CCDC12: variants seen among roughly 807,000 people sequenced by gnomAD.
The protein encoded by CCDC12 is coiled-coil domain-containing protein 12.
In CCDC12, 28 loss-of-function variants were observed where a neutral mutation model predicts 25.7. The observed-to-expected ratio is 1.09, with a 90% confidence interval of 0.81 to 1.50. CCDC12 has a LOEUF of 1.50. Ranked by LOEUF, CCDC12 falls within the 40% of genes most tolerant of loss-of-function variation. The probability of loss-of-function intolerance (pLI) is 0.00; values close to 1 mark genes in which losing one functional copy is unlikely to be tolerated. For synonymous variants in CCDC12, 75 were observed against 87.7 expected, an observed-to-expected ratio of 0.86 and a Z score of 0.81; for missense variants, 198 against 210.0, an observed-to-expected ratio of 0.94 and a Z score of 0.35.
intron 2 of CCDC12, among the ~76,000 whole-genome samples, chr3:46,935,108 G>A (rs1373015382): frequency 1.3e-5 from 2 of 152,240 alleles, no homozygotes; most frequent in African/African-American, 4.8e-5. Context: ...CACACATTGA[G>A]CTGGGGAACA....
chr3:46,926,946 C>T (rs1177613238), intron 2 of CCDC12, among the ~76,000 whole-genome samples: 1 of 151,992 alleles, frequency 6.6e-6, no homozygotes, highest in African/African-American at 2.4e-5. Context: ...CAAGCTTTCC[C>T]AGAGGCAGGG....
upstream of CCDC12, among the ~76,000 whole-genome samples, chr3:46,981,723 T>C (rs938659246): frequency 7.2e-5 from 11 of 152,104 alleles, no homozygotes; most frequent in African/African-American, 2.4e-4. Context: ...TTAAACCAGC[T>C]GGTGAGTGTG....
At chr3:46,977,040 C>A (rs1033697349), upstream of CCDC12, 2 of 440,796 alleles carry the variant, frequency 4.5e-6, no homozygotes, top group Non-Finnish European at 8.1e-6. Context: ...GGAATTCAGA[C>A]CTGAGAGAAG....
At chr3:46,938,526 T>G (rs940529691) in intron 2 of CCDC12, among the ~76,000 whole-genome samples, 17 of 144,680 alleles carry the variant, frequency 1.2e-4, no homozygotes, top group African/African-American at 4.1e-4. Context: ...CTGTTTTTTT[T>G]TTTTTTTTTT....
Position 46,921,878 on chromosome 3 carries a change from G to C in CCDC12, c.*179C>G. The stretch of plus-strand genomic sequence containing the variant: ...GCTGGTTCTGCCTCCATTCAGAATG[G>C]CAGGGGCCACCCAGCAGACAAGGAG... On this transcript the variant is annotated 3_prime_UTR_variant, in exon 7 of 7. Transcript: ENST00000683445. 1.6e-6 allele frequency: 1 copy of C among 641,830 alleles called. No individual in the cohort carries two copies. Among genetic ancestry groups the C allele is most frequent in the East Asian group, 2.7e-5 (1 of 36,508 alleles). 39.8% of individuals were successfully genotyped at this position (641,830 alleles called of 1,614,324 possible).
intron 1 of CCDC12, among the ~76,000 whole-genome samples, chr3:46,962,252 G>A (rs930812472): frequency 1.3e-5 from 2 of 151,892 alleles, no homozygotes; most frequent in East Asian, 1.9e-4. Flanking sequence ...TGGCCAACAT[G>A]GTAAAACCCT....
intron 2 of CCDC12, among the ~76,000 whole-genome samples, chr3:46,929,533 G>A (rs2033116519): frequency 1.3e-5 from 2 of 152,190 alleles, no homozygotes; most frequent in Non-Finnish European, 2.9e-5. Context: ...TACTGAAGCA[G>A]CCTGCACTCA....
In CCDC12 at chr3:46,970,876, G is replaced by C. The variant is rs75405434; in HGVS notation, c.96+5761C>G. Among the ~76,000 whole-genome samples, 804 of 152,250 alleles carry C rather than the reference G, an allele frequency of 5.3e-3. 6 individuals carry two copies. The highest frequency in any genetic ancestry group is 0.018 in the African/African-American group (760 of 41,528). On this transcript the variant is annotated intron_variant, in intron 1 of 6. Transcript: ENST00000683445. ...CTTGAACTGTTCACCTACTCACCCA[G>C]CCAGGAACTTCTGGATGAGCATCAG...
chr3:46,954,922 GA>G (rs1183137789), intron 1 of CCDC12, among the ~76,000 whole-genome samples: 25 of 151,432 alleles, frequency 1.7e-4, no homozygotes, highest in African/African-American at 6.1e-4. Flanking sequence ...AACTCCGTCT[GA>G]AAAAAAAAGT....
At chr3:46,967,206 C>T (rs1034854994) in intron 1 of CCDC12, among the ~76,000 whole-genome samples, 1 of 152,112 alleles carries the variant, frequency 6.6e-6, no homozygotes, top group East Asian at 1.9e-4. Context: ...CTGTACTTTG[C>T]CATCTCAGGA....
At chr3:46,943,190 G>T (rs534775571) in intron 1 of CCDC12, among the ~76,000 whole-genome samples, 1 of 152,302 alleles carries the variant, frequency 6.6e-6, no homozygotes, top group East Asian at 1.9e-4. Context: ...TGAGAAACAA[G>T]TCAGGATTCT....
intron 2 of CCDC12, among the ~76,000 whole-genome samples, chr3:46,939,984 C>T (rs556237166): frequency 6.6e-6 from 1 of 152,170 alleles, no homozygotes; most frequent in Admixed American, 6.5e-5. Context: ...AAGATCTACA[C>T]CCCCCTGTGC....
At chr3:46,976,376 A>T (rs1575569244) in intron 1 of CCDC12, 3 of 1,384,324 alleles carry the variant, frequency 2.2e-6, no homozygotes, top group Non-Finnish European at 2.8e-6. Context: ...GGGAAGCAGG[A>T]GTCAGATGGA....
chr3:46,942,361 TG>T lies in CCDC12; in HGVS notation c.97-1297del, dbSNP rs11301064. Among the ~76,000 whole-genome samples the T allele has an allele frequency of 3.8e-3, 586 of 152,378 alleles. 7 individuals carry two copies. The highest frequency in any genetic ancestry group is 0.014 in the African/African-American group (568 of 41,592). On this transcript the variant is annotated intron_variant, in intron 1 of 6. Transcript: ENST00000683445. ...GAAGGTGACAATGCTCACTTCACTA[TG>T]GCAGCGTCCTGCCTTTGACTCTCGC...
intron 1 of CCDC12, among the ~76,000 whole-genome samples, chr3:46,975,369 G>A (rs1204178379): frequency 6.6e-6 from 1 of 151,942 alleles, no homozygotes; most frequent in Admixed American, 6.6e-5. Flanking sequence ...ATTTTCAGTA[G>A]AAATGGGGTT....
At chr3:46,977,907 A>C (rs1363479882), upstream of CCDC12, among the ~76,000 whole-genome samples, 1 of 152,200 alleles carries the variant, frequency 6.6e-6, no homozygotes, top group African/African-American at 2.4e-5. Flanking sequence ...CATGAACTAG[A>C]GTGTCCTGAT....
rs900126682 is a variant in CCDC12, at chr3:46,976,566, C to G, written c.96+71G>C. ...GCTGTCTTTCCTTATTAGCCCTTTGCTCTCCTCAAGCGCGACCCGGACCCC... is the reference window on the plus strand; with the variant it reads ...GCTGTCTTTCCTTATTAGCCCTTTGGTCTCCTCAAGCGCGACCCGGACCCC... On this transcript the variant is annotated intron_variant, in intron 1 of 6. Transcript: ENST00000683445. The G allele has an allele frequency of 1.9e-6, 3 of 1,547,532 alleles. No homozygotes were observed. In the African/African-American group the frequency reaches 4.1e-5, roughly 21 times the overall value.
At chr3:46,956,644 A>T (rs938376175) in intron 1 of CCDC12, among the ~76,000 whole-genome samples, 1 of 152,164 alleles carries the variant, frequency 6.6e-6, no homozygotes, top group African/African-American at 2.4e-5. Context: ...AAACATGGTG[A>T]AACCCTGTCT....
At chr3:46,968,515 T>C (rs542622804) in intron 1 of CCDC12, among the ~76,000 whole-genome samples, 1 of 152,342 alleles carries the variant, frequency 6.6e-6, no homozygotes, top group Non-Finnish European at 1.5e-5. Context: ...CATCTTTCTC[T>C]GTTCTCCTAG....
Sources: allele counts gnomAD v4.1 joint callset (sites outside exome capture counted in the v4.1 genomes callset), GRCh38; gene constraint gnomAD v4.1.1; transcripts MANE v1.5; gene names NCBI Gene and HGNC (gene_info 2026-07-23, HGNC 2026-07-21).